Variants in KLF8 observed in about 807,000 individuals in gnomAD.
The protein encoded by KLF8 is Krueppel-like factor 8.
Under a neutral mutation model 18.2 loss-of-function variants are expected in KLF8, and 10 were observed. That is an observed-to-expected ratio of 0.55 (90% confidence interval 0.34 to 0.93). The LOEUF is 0.93. Ranked by LOEUF, KLF8 falls within the 40% of genes least tolerant of loss-of-function variation. The pLI, the probability that KLF8 is intolerant of heterozygous loss-of-function variation, is 0.02. For synonymous variants in KLF8, 109 were observed against 97.3 expected, an observed-to-expected ratio of 1.12 and a Z score of -0.71; for missense variants, 264 against 277.9, an observed-to-expected ratio of 0.95 and a Z score of 0.36.
At chrX:56,024,655 G>T in the KLF8 span, among the ~76,000 whole-genome samples, 1 of 111,920 alleles carries the variant, frequency 8.9e-6, no homozygotes, top group Non-Finnish European at 1.9e-5. Flanking sequence ...GCAATCTAGG[G>T]GGTATGTGAC....
chrX:56,152,489 G>T, the KLF8 span, among the ~76,000 whole-genome samples: 1 of 111,346 alleles, frequency 9.0e-6, no homozygotes, highest in Non-Finnish European at 1.9e-5. Context: ...CGGTCCCAGA[G>T]TTCTTTACTG....
the KLF8 span, among the ~76,000 whole-genome samples, chrX:56,161,564 T>C: frequency 8.9e-6 from 1 of 112,427 alleles, no homozygotes; most frequent in Non-Finnish European, 1.9e-5. Context: ...TCAAATTGGC[T>C]ACTGATGCTT....
At chrX:56,204,393 C>A in the KLF8 span, among the ~76,000 whole-genome samples, 1 of 111,356 alleles carries the variant, frequency 9.0e-6, no homozygotes, top group African/African-American at 3.3e-5. Flanking sequence ...TCTTCCCTTC[C>A]AATTTTGATT....
the KLF8 span, among the ~76,000 whole-genome samples, chrX:56,083,242 C>A: frequency 2.8e-4 from 31 of 111,879 alleles, no homozygotes; most frequent in Non-Finnish European, 5.5e-4. Flanking sequence ...TATATGTAAA[C>A]ATTTTAACAA....
At chrX:55,939,764 T>A in the KLF8 span, among the ~76,000 whole-genome samples, 1 of 111,585 alleles carries the variant, frequency 9.0e-6, no homozygotes, top group Non-Finnish European at 1.9e-5. Context: ...GCAAATAAAC[T>A]AGAAAATCTG....
chrX:56,159,462 G>A, the KLF8 span, among the ~76,000 whole-genome samples: 2 of 112,701 alleles, frequency 1.8e-5, no homozygotes, highest in Non-Finnish European at 3.7e-5. Context: ...AGAAGGAATG[G>A]TACTAGCTCC....
At chrX:56,202,248 T>C in the KLF8 span, among the ~76,000 whole-genome samples, 1 of 110,952 alleles carries the variant, frequency 9.0e-6, no homozygotes, top group Middle Eastern at 4.6e-3. Context: ...ATCTGTCTTT[T>C]TGGTTTGTTT....
At chrX:56,152,671 G>A in the KLF8 span, among the ~76,000 whole-genome samples, 12 of 111,306 alleles carry the variant, frequency 1.1e-4, no homozygotes, top group East Asian at 1.4e-3. Context: ...AGAGGGGAAG[G>A]TAATCAAAGG....
At chrX:56,154,791 A>G in the KLF8 span, among the ~76,000 whole-genome samples, 2 of 111,783 alleles carry the variant, frequency 1.8e-5, no homozygotes, top group African/African-American at 3.2e-5. Context: ...ACAAGTGGGC[A>G]AAGGATATGA....
At chrX:56,026,792 C>A in the KLF8 span, among the ~76,000 whole-genome samples, 1 of 111,846 alleles carries the variant, frequency 8.9e-6, no homozygotes, top group African/African-American at 3.3e-5. Context: ...CAGTTCGTGT[C>A]GGATAAGCCT....
At chrX:56,208,392 G>T in the KLF8 span, among the ~76,000 whole-genome samples, 1 of 111,380 alleles carries the variant, frequency 9.0e-6, no homozygotes, top group Admixed American at 9.5e-5. Flanking sequence ...TCTGGCTAAA[G>T]GTTTGTCAAT....
chrX:55,963,398 C>T, the KLF8 span, among the ~76,000 whole-genome samples: 1 of 111,227 alleles, frequency 9.0e-6, no homozygotes, highest in Admixed American at 9.6e-5. Context: ...TTAGGTGGCA[C>T]AGGGCAGTAC....
chrX:55,933,097 C>T, the KLF8 span, among the ~76,000 whole-genome samples: 1 of 110,897 alleles, frequency 9.0e-6, no homozygotes. Flanking sequence ...TCTTAAGAAA[C>T]CTTTCCTTGT....
the KLF8 span, among the ~76,000 whole-genome samples, chrX:55,970,153 A>T: frequency 1.8e-5 from 2 of 111,587 alleles, no homozygotes; most frequent in African/African-American, 6.5e-5. Flanking sequence ...TCTCTGATGA[A>T]CATTGAATTG....
At chrX:56,169,001 T>C in the KLF8 span, among the ~76,000 whole-genome samples, 7 of 111,643 alleles carry the variant, frequency 6.3e-5, no homozygotes, top group East Asian at 8.5e-4. Context: ...AGTATGATAA[T>C]GGCATAAAAA....
chrX:56,145,250 C>T, the KLF8 span, among the ~76,000 whole-genome samples: 1 of 111,864 alleles, frequency 8.9e-6, no homozygotes, highest in South Asian at 3.8e-4. Flanking sequence ...TAAGGAAATG[C>T]AAATCAAAGT....
At chrX:56,270,384 GAGAGAGAGAGAGAGAGGGGC>G (rs1569188924) in intron 5 of KLF8, 63 bp downstream of exon 5, 12 of 593,917 alleles carry the variant, frequency 2.0e-5, no homozygotes, top group Admixed American at 1.1e-4. Context: ...ACACACACGA[GAGAGAGAGAGAGAGAGGGGC>G]AGAGAGAGAG....
At chrX:56,230,163 C>T (rs1253074179), upstream of KLF8, among the ~76,000 whole-genome samples, 1 of 112,459 alleles carries the variant, frequency 8.9e-6, no homozygotes, top group African/African-American at 3.2e-5. Flanking sequence ...GGCACACCCA[C>T]TGTATTCAGG....
At chrX:56,201,011 A>G in the KLF8 span, among the ~76,000 whole-genome samples, 1 of 111,582 alleles carries the variant, frequency 9.0e-6, no homozygotes, top group Non-Finnish European at 1.9e-5. Flanking sequence ...AGTTTTGATG[A>G]GAGTGTAAAT....
Sources: allele counts gnomAD v4.1 joint callset (sites outside exome capture counted in the v4.1 genomes callset), GRCh38; gene constraint gnomAD v4.1.1; transcripts MANE v1.5; gene names NCBI Gene and HGNC (gene_info 2026-07-23, HGNC 2026-07-21).